TECRL: variants seen among roughly 807,000 people sequenced by gnomAD.
TECRL encodes trans-2,3-enoyl-CoA reductase like.
Under a neutral mutation model 52.8 loss-of-function variants are expected in TECRL, and 63 were observed. That is an observed-to-expected ratio of 1.19 (90% confidence interval 0.97 to 1.47). The LOEUF is 1.47. Among genes scored for constraint, TECRL ranks in the 40% most tolerant of loss-of-function variants. TECRL has a pLI of 0.00. For missense variants in TECRL, 482 were observed against 429.6 expected (o/e 1.12, Z -1.08); for synonymous variants, 164 against 141.9 (o/e 1.16, Z -1.10).
chr4:64,346,531 C>T (rs1480632003), intron 2 of TECRL, among the ~76,000 whole-genome samples: 1 of 152,288 alleles, frequency 6.6e-6, no homozygotes, highest in East Asian at 1.9e-4. Context: ...AGCCTAGGGG[C>T]TTGCGCCCTC....
At chr4:64,281,630 T>C in intron 9 of TECRL, 71 bp from the exon 10 acceptor site, 3 of 750,226 alleles carry the variant, frequency 4.0e-6, no homozygotes, top group South Asian at 2.2e-5. Context: ...TATTATATAA[T>C]ACTAAGTTCC....
intron 2 of TECRL, 98 bp from the exon 3 acceptor site, chr4:64,328,654 T>C: frequency 9.8e-7 from 1 of 1,016,540 alleles, no homozygotes; most frequent in Non-Finnish European, 1.5e-6. Flanking sequence ...ATCTAGGAAG[T>C]AAATAAAATG....
At chr4:64,283,031 T>C (rs1005549277) in intron 9 of TECRL, among the ~76,000 whole-genome samples, 1 of 151,964 alleles carries the variant, frequency 6.6e-6, no homozygotes, top group Non-Finnish European at 1.5e-5. Context: ...AAACTTCAAC[T>C]TTCAGTACTC....
At chr4:64,407,484 C>CGT (rs1560567459) in intron 1 of TECRL, among the ~76,000 whole-genome samples, 21 of 133,362 alleles carry the variant, frequency 1.6e-4, no homozygotes, top group African/African-American at 5.1e-4. Context: ...AACTAATTGG[C>CGT]ATGTGTGTGT....
At chr4:64,357,505 T>C (rs1044137502) in intron 2 of TECRL, among the ~76,000 whole-genome samples, 4 of 151,534 alleles carry the variant, frequency 2.6e-5, no homozygotes, top group Non-Finnish European at 5.9e-5. Context: ...AATTCTCTGA[T>C]ATTCAGATAT....
chr4:64,344,717 G>T (rs1005401043), intron 2 of TECRL, among the ~76,000 whole-genome samples: 22 of 152,164 alleles, frequency 1.4e-4, no homozygotes, highest in Non-Finnish European at 2.8e-4. Flanking sequence ...ATAGCTCTCA[G>T]CAAAGAGGAA....
intron 1 of TECRL, among the ~76,000 whole-genome samples, chr4:64,393,963 A>C (rs1315714342): frequency 6.6e-6 from 1 of 152,054 alleles, no homozygotes; most frequent in Non-Finnish European, 1.5e-5. Context: ...GTATATATAT[A>C]ATGCTGTTGG....
In TECRL at chr4:64,369,669, G is replaced by C. The variant is rs201722500; in HGVS notation, c.286+5503C>G. Among the ~76,000 whole-genome samples the C allele has an allele frequency of 7.3e-5, 11 of 151,656 alleles. No homozygotes were observed. In the East Asian group the frequency reaches 2.1e-3, roughly 29 times the overall value. ...TGTCACTTATTAGCTGCGTGACCTG[G>C]GGCAAGTTATATAATATTTCTTTAA... On this transcript the variant is annotated intron_variant, in intron 2 of 11. Coordinates refer to ENST00000381210, the MANE Select transcript of TECRL (RefSeq NM_001010874.5).
chr4:64,288,712 G>GCA (rs1723213770), intron 9 of TECRL, among the ~76,000 whole-genome samples: 1 of 152,106 alleles, frequency 6.6e-6, no homozygotes, highest in Non-Finnish European at 1.5e-5. Context: ...GTGGTCTGCT[G>GCA]CCAGTCTGAT....
chr4:64,361,426 T>C (rs138850254), intron 2 of TECRL, among the ~76,000 whole-genome samples: 1,899 of 152,188 alleles, frequency 0.012, 47 homozygotes, highest in African/African-American at 0.043. Flanking sequence ...AGGGCCCACT[T>C]CTACTCTACT....
intron 2 of TECRL, among the ~76,000 whole-genome samples, chr4:64,329,261 T>G: frequency 6.6e-6 from 1 of 151,406 alleles, no homozygotes; most frequent in Non-Finnish European, 1.5e-5. Context: ...AAAGTTTACT[T>G]CTTAACTTTG....
intron 8 of TECRL, among the ~76,000 whole-genome samples, chr4:64,290,817 A>G (rs1010654619): frequency 6.6e-6 from 1 of 152,266 alleles, no homozygotes; most frequent in East Asian, 1.9e-4. Context: ...ATCATCTTCA[A>G]TAAATTAATT....
In TECRL at chr4:64,277,722, A is replaced by C. The variant is rs1722622425; in HGVS notation, c.*2350T>G. 2 of 151,966 alleles carry C rather than the reference A, an allele frequency of 1.3e-5. No individual in the cohort carries two copies. Among genetic ancestry groups the C allele is most frequent in the South Asian group, 2.1e-4 (1 of 4,824 alleles). The allele number at this position is 151,966 out of a possible 1,614,324, so 9.4% of individuals were successfully genotyped here. On this transcript the variant is annotated 3_prime_UTR_variant, in exon 12 of 12. Transcript: ENST00000381210. ...AGAGCTTTAATGAACATATTTTATAACATATGTATAATCTGAGAATTGAAA... is the reference window on the plus strand; with the variant it reads ...AGAGCTTTAATGAACATATTTTATACCATATGTATAATCTGAGAATTGAAA...
intron 8 of TECRL, among the ~76,000 whole-genome samples, chr4:64,290,934 T>C (rs529581055): frequency 1.4e-4 from 22 of 152,158 alleles, no homozygotes; most frequent in African/African-American, 5.1e-4. Context: ...CTACACAAAA[T>C]AATTATCGAA....
intron 1 of TECRL, among the ~76,000 whole-genome samples, chr4:64,380,369 A>T (rs1023115046): frequency 1.3e-5 from 2 of 151,768 alleles, no homozygotes; most frequent in African/African-American, 4.8e-5. Flanking sequence ...TTGCCTCTTC[A>T]CTCTGTTATT....
At chr4:64,299,375 A>G (rs578208639) in intron 8 of TECRL, 2 of 151,330 alleles carry the variant, frequency 1.3e-5, no homozygotes, top group African/African-American at 4.8e-5. Context: ...ATGAACACAG[A>G]TGAAAGCAAG....
At chr4:64,341,690 G>C (rs995939155) in intron 2 of TECRL, among the ~76,000 whole-genome samples, 3 of 152,162 alleles carry the variant, frequency 2.0e-5, no homozygotes, top group Non-Finnish European at 4.4e-5. Context: ...CTTTCAGGGA[G>C]CCCAGACCTG....
intron 2 of TECRL, among the ~76,000 whole-genome samples, chr4:64,360,020 A>G (rs1721061076): frequency 6.6e-6 from 1 of 152,184 alleles, no homozygotes; most frequent in Non-Finnish European, 1.5e-5. Flanking sequence ...TAGAGACAAG[A>G]AAATTGTATT....
At chr4:64,334,557 A>G (rs1718908538) in intron 2 of TECRL, among the ~76,000 whole-genome samples, 1 of 149,914 alleles carries the variant, frequency 6.7e-6, no homozygotes, top group Admixed American at 6.6e-5. Flanking sequence ...ATCAATGTCT[A>G]TAATTTTGCT....
Sources: gnomAD v4.1 joint callset for allele counts (sites outside exome capture counted in the v4.1 genomes callset) on GRCh38, gnomAD v4.1.1 for gene constraint, MANE v1.5 for transcripts, NCBI Gene and HGNC (gene_info 2026-07-23, HGNC 2026-07-21) for gene names.